Variants in ARID1B observed in about 807,000 individuals in gnomAD.
The protein encoded by ARID1B is AT-rich interactive domain-containing protein 1B.
Under a neutral mutation model 212.3 loss-of-function variants are expected in ARID1B, and 30 were observed. That is an observed-to-expected ratio of 0.14 (90% CI 0.11 to 0.19). The LOEUF (loss-of-function observed/expected upper bound fraction) is 0.19, where lower values mean the gene tolerates loss of function less well. Ranked by LOEUF, ARID1B falls within the 10% of genes least tolerant of loss-of-function variation. The pLI, the probability that ARID1B is intolerant of heterozygous loss-of-function variation, is 1.00. For missense variants in ARID1B, 2,891 were observed against 3,204.0 expected (o/e 0.90, Z 2.36); for synonymous variants, 1,402 against 1,301.7 (o/e 1.08, Z -1.66).
intron 4 of ARID1B, among the ~76,000 whole-genome samples, chr6:157,039,862 C>CTTTCTTT (rs1781729536): frequency 1.8e-5 from 2 of 110,052 alleles, no homozygotes; most frequent in African/African-American, 6.8e-5. Flanking sequence ...CTCTCTTTCT[C>CTTTCTTT]TCTCTTTCTC....
intron 2 of ARID1B, among the ~76,000 whole-genome samples, chr6:156,863,959 C>T (rs1343235883): frequency 1.3e-5 from 2 of 152,142 alleles, no homozygotes; most frequent in African/African-American, 4.8e-5. Flanking sequence ...TCGAACATTC[C>T]GTTTCCAGAC....
Position 157,009,451 on chromosome 6 carries a change from A to G in ARID1B, c.2247+73875A>G, listed in dbSNP as rs531515630. Among the ~76,000 whole-genome samples the G allele has an allele frequency of 1.6e-4, 25 of 152,358 alleles. No individual in the cohort carries two copies. The South Asian group carries it at 4.8e-3, about 29-fold the overall frequency. On this transcript the variant is annotated intron_variant, in intron 4 of 19. Coordinates refer to ENST00000636930, the MANE Select transcript of ARID1B (RefSeq NM_001374828.1). ...AGTTGGCCCTAAACTAGGTGATAGT[A>G]CTGAATATGGAAAGTACATTTCTCT...
chr6:156,827,654 C>T (rs1255419982), intron 1 of ARID1B, among the ~76,000 whole-genome samples: 1 of 152,140 alleles, frequency 6.6e-6, no homozygotes, highest in African/African-American at 2.4e-5. Flanking sequence ...CAGTTCATCT[C>T]CCTTGACCCA....
intron 2 of ARID1B, among the ~76,000 whole-genome samples, chr6:156,880,966 A>G (rs988023557): frequency 1.3e-5 from 2 of 152,158 alleles, no homozygotes; most frequent in African/African-American, 4.8e-5. Context: ...GCTGTAAAGT[A>G]GAGAAAAAGG....
At chr6:156,971,375 G>A (rs1424630363) in intron 4 of ARID1B, among the ~76,000 whole-genome samples, 1 of 152,008 alleles carries the variant, frequency 6.6e-6, no homozygotes, top group Non-Finnish European at 1.5e-5. Flanking sequence ...CTTTAAAATG[G>A]GCATAATAAC....
In ARID1B at chr6:156,778,534, A is replaced by C. The variant is rs2114977598; in HGVS notation, c.854A>C (p.His285Pro). The change falls in exon 1 of 20, where the codon CAC becomes CCC. Residue 285 changes from histidine (H) to proline (P), a missense_variant. His to Pro is a moderately conservative substitution (Grantham distance 77). Around this residue, in one of 7 missense-constraint regions of ARID1B, gnomAD observed 1,643 missense variants for 1,544.0 expected, o/e 1.06. Coordinates refer to ENST00000636930, the MANE Select transcript of ARID1B (RefSeq NM_001374828.1). ...GAGCCGGCGGGCGGCCGCTACGAGC[A>C]CCCGGGCTTGGGCGCCCTGGGCACG... ...MGEPAGGRYE[H>P]PGLGALGTQQ... The C allele has an allele frequency of 8.1e-7, 1 of 1,230,562 alleles. No individual in the cohort carries two copies. Among genetic ancestry groups the C allele is most frequent in the Non-Finnish European group, 1.0e-6 (1 of 990,122 alleles). The allele number at this position is 1,230,562 out of a possible 1,614,324, so 76.2% of individuals were successfully genotyped here.
rs575726584 is a variant in ARID1B at position 157,154,603 on chromosome 6, T to C, written c.3089+5652T>C. Among the ~76,000 whole-genome samples the C allele has an allele frequency of 3.5e-3, 516 of 146,814 alleles. 1 individual carries two copies. Among genetic ancestry groups the C allele is most frequent in the Middle Eastern group, 0.011 (3 of 284 alleles). ...TTGTTTTTTTTTTTTTTTTTTGAGT[T>C]GGAGTCTCACTCTGTCGCCAGGCTG... On this transcript the variant is annotated intron_variant, in intron 8 of 19. Transcript: ENST00000636930.
At chr6:157,172,071 G>A (rs536499965) in intron 9 of ARID1B, among the ~76,000 whole-genome samples, 19 of 152,244 alleles carry the variant, frequency 1.2e-4, no homozygotes, top group African/African-American at 3.9e-4. Context: ...CTTTGAACCC[G>A]CTCTGAATCA....
At chr6:156,952,800 T>C (rs1435037729) in intron 4 of ARID1B, among the ~76,000 whole-genome samples, 1 of 152,256 alleles carries the variant, frequency 6.6e-6, no homozygotes, top group African/African-American at 2.4e-5. Flanking sequence ...ATATTCATTC[T>C]TGTAAAACAA....
In ARID1B at chr6:156,901,450, G is replaced by T; in HGVS notation, c.2061G>T (p.Gln687His). 1.2e-6 allele frequency: 2 copies of T among 1,614,102 alleles called. No individual in the cohort carries two copies. Among genetic ancestry groups the T allele is most frequent in the Admixed American group, 1.7e-5 (1 of 60,020 alleles). The change falls in exon 3 of 20, where the codon CAG (glutamine) becomes CAT (histidine). Residue 687 changes from glutamine to histidine, a missense_variant. By Grantham distance (24) the Gln-to-His change is conservative. This residue lies in a region of ARID1B where 1,643 missense variants were observed against 1,544.0 expected (regional missense o/e 1.06). Transcript: ENST00000636930. ...QQGQQPYYSQ[Q>H]PQPPHLPPQA... ...GCCAACAGCCATATTACAGCCAGCA[G>T]CCGCAGCCCCCGCACCTCCCACCCC...
intron 4 of ARID1B, among the ~76,000 whole-genome samples, chr6:156,945,983 T>C (rs1431563544): frequency 2.0e-5 from 3 of 152,136 alleles, no homozygotes; most frequent in African/African-American, 7.2e-5. Context: ...TACTCCAGCC[T>C]GGGCAACAGA....
intron 4 of ARID1B, among the ~76,000 whole-genome samples, chr6:156,982,385 G>A (rs914362652): frequency 3.3e-5 from 5 of 149,448 alleles, no homozygotes; most frequent in Admixed American, 6.6e-5. Context: ...TAGGGTTTTC[G>A]CCTGTGATGC....
intron 4 of ARID1B, among the ~76,000 whole-genome samples, chr6:157,068,271 G>A (rs190607539): frequency 1.3e-5 from 2 of 152,270 alleles, no homozygotes; most frequent in Non-Finnish European, 2.9e-5. Flanking sequence ...ATGAATTTTT[G>A]TGTTGTATTA....
chr6:157,134,895 T>G (rs1162257719), intron 7 of ARID1B, among the ~76,000 whole-genome samples: 2 of 152,164 alleles, frequency 1.3e-5, no homozygotes, highest in East Asian at 3.8e-4. Context: ...AGTTAACTCT[T>G]AAGTCCATAA....
intron 3 of ARID1B, among the ~76,000 whole-genome samples, chr6:156,912,247 C>A (rs1789950598): frequency 1.4e-5 from 2 of 139,674 alleles, no homozygotes; most frequent in Admixed American, 7.7e-5. Flanking sequence ...AACAGTGAAT[C>A]AAACCTCTTT....
Position 157,110,623 on chromosome 6 carries a change from G to A in ARID1B, c.2581+62G>A. On this transcript the variant is annotated intron_variant, in intron 6 of 19. Coordinates refer to ENST00000636930, the MANE Select transcript of ARID1B (RefSeq NM_001374828.1). ...CTTTCAGGCGATAAGGCGTACGTGA[G>A]TTTGCTTACCTATGCACCTCCTTAT... 3 of 1,506,042 alleles carry A rather than the reference G, an allele frequency of 2.0e-6. No individual in the cohort carries two copies. The South Asian group carries it at 3.4e-5, about 17-fold the overall frequency. The allele number at this position is 1,506,042 out of a possible 1,614,324, so 93.3% of individuals were successfully genotyped here. A position where few individuals can be genotyped will look rare whatever the true frequency, so the allele number is the denominator to read the frequency against.
At chr6:157,189,542 T>G (rs1182360199) in intron 13 of ARID1B, 100 bp from the exon 14 acceptor site, 1 of 1,330,730 alleles carries the variant, frequency 7.5e-7, no homozygotes, top group Non-Finnish European at 1.0e-6. Flanking sequence ...TGGTGTCTTA[T>G]TTACATTTAT....
rs759533117 is a variant in ARID1B at position 157,084,851 on chromosome 6, C to A, written c.2437C>A (p.Pro813Thr). The A allele has an allele frequency of 6.2e-7, 1 of 1,614,176 alleles. No individual in the cohort carries two copies. ...CCCATCTCCCTCTCCTGTTGGCTCT[C>A]CTGTAGGAAGCAACCAGTCTCGATC... The part of the protein sequence containing the change: ...GGPSPSPVGS[P>T]VGSNQSRSGP... The change falls in exon 5 of 20, where the codon CCT (proline) becomes ACT (threonine). Residue 813 changes from proline (P) to threonine (T), a missense_variant. Around this residue, in one of 7 missense-constraint regions of ARID1B, gnomAD observed 1,643 missense variants for 1,544.0 expected, o/e 1.06. Coordinates refer to ENST00000636930, the MANE Select transcript of ARID1B (RefSeq NM_001374828.1).
rs779142775 is a variant in ARID1B at position 156,829,315 on chromosome 6, C to T, written c.1880C>T (p.Pro627Leu). The change falls in exon 2 of 20, where the codon CCG becomes CTG. Residue 627 changes from proline (P) to leucine (L), a missense_variant. Pro to Leu is a moderately conservative substitution (Grantham distance 98). Coordinates refer to ENST00000636930, the MANE Select transcript of ARID1B (RefSeq NM_001374828.1). ...NPHSQPQQSS[P>L]YPGGSYGPPG... Reference sequence around the variant, plus strand: ...CATTCTCAGCCTCAGCAGAGCAGTCCGTACCCAGGAGGTTCCTATGGCCCT... The same window carrying T: ...CATTCTCAGCCTCAGCAGAGCAGTCTGTACCCAGGAGGTTCCTATGGCCCT... The T allele has an allele frequency of 7.4e-6, 12 of 1,614,080 alleles. No individual in the cohort carries two copies. The highest frequency in any genetic ancestry group is 6.7e-5 in the East Asian group (3 of 44,904).
Sources: allele counts gnomAD v4.1 joint callset (sites outside exome capture counted in the v4.1 genomes callset), GRCh38; gene constraint gnomAD v4.1.1; regional missense constraint gnomAD v4.1.1; transcripts MANE v1.5; gene names NCBI Gene and HGNC (gene_info 2026-07-23, HGNC 2026-07-21).